The following PXDNL variants were observed in gnomAD, a reference collection of about 807,000 sequenced individuals.
PXDNL encodes probable oxidoreductase PXDNL.
Under a neutral mutation model 150.8 loss-of-function variants are expected in PXDNL, and 145 were observed. That is an observed-to-expected ratio of 0.96 (90% confidence interval 0.84 to 1.10). The LOEUF is 1.10. PXDNL is among the 50% of genes least tolerant of loss of function. The pLI is 0.00. For synonymous variants in PXDNL, 757 were observed against 725.7 expected (o/e 1.04, Z -0.69); for missense variants, 2,087 against 1,873.9 (o/e 1.11, Z -2.10).
At chr8:51,696,705 A>T (rs1170689599) in intron 1 of PXDNL, among the ~76,000 whole-genome samples, 1 of 147,192 alleles carries the variant, frequency 6.8e-6, no homozygotes, top group Non-Finnish European at 1.5e-5. Context: ...ACACACATCC[A>T]CACACAGGTT....
chr8:51,335,609 G>C (rs1342939729), intron 21 of PXDNL, among the ~76,000 whole-genome samples: 2 of 151,264 alleles, frequency 1.3e-5, no homozygotes, highest in African/African-American at 2.4e-5. Context: ...TATCTGTGAA[G>C]ACCTCATTAA....
intron 1 of PXDNL, among the ~76,000 whole-genome samples, chr8:51,743,689 G>C (rs1393041413): frequency 6.6e-6 from 1 of 151,890 alleles, no homozygotes; most frequent in Non-Finnish European, 1.5e-5. Flanking sequence ...GGCAATTTTT[G>C]TATTTTTAGT....
At chr8:51,781,856 C>A (rs139039405) in intron 1 of PXDNL, among the ~76,000 whole-genome samples, 1 of 152,172 alleles carries the variant, frequency 6.6e-6, no homozygotes, top group African/African-American at 2.4e-5. Flanking sequence ...AGCAAAAGCC[C>A]TCTTGGAACA....
At chr8:51,519,281 C>T (rs187148640) in intron 4 of PXDNL, among the ~76,000 whole-genome samples, 1 of 152,174 alleles carries the variant, frequency 6.6e-6, no homozygotes, top group East Asian at 1.9e-4. Flanking sequence ...GTGGCTCACC[C>T]CTGTAATCCC....
chr8:51,445,514 G>A (rs1378963943), intron 12 of PXDNL, among the ~76,000 whole-genome samples: 1 of 152,130 alleles, frequency 6.6e-6, no homozygotes, highest in Non-Finnish European at 1.5e-5. Flanking sequence ...AGATTAAATG[G>A]TGTATTCTAA....
intron 2 of PXDNL, among the ~76,000 whole-genome samples, chr8:51,644,864 G>A (rs1281284291): frequency 3.3e-5 from 5 of 151,804 alleles, no homozygotes; most frequent in Admixed American, 2.6e-4. Flanking sequence ...GATTGTAGAC[G>A]GCCACATAGG....
chr8:51,607,179 T>G (rs560099920), intron 2 of PXDNL, among the ~76,000 whole-genome samples: 5 of 152,192 alleles, frequency 3.3e-5, no homozygotes, highest in Non-Finnish European at 1.5e-5. Flanking sequence ...CAGACTGATC[T>G]GTATAGCAGT....
At chr8:51,748,616 G>A (rs1480369312) in intron 1 of PXDNL, among the ~76,000 whole-genome samples, 1 of 152,168 alleles carries the variant, frequency 6.6e-6, no homozygotes, top group Non-Finnish European at 1.5e-5. Flanking sequence ...TGGGGGTGAA[G>A]CAGGAGTTAT....
chr8:51,469,079 G>A (rs1585496260), intron 8 of PXDNL, among the ~76,000 whole-genome samples: 1 of 152,010 alleles, frequency 6.6e-6, no homozygotes, highest in South Asian at 2.1e-4. Flanking sequence ...TCTATTCTTT[G>A]CCTGAAAATG....
chr8:51,580,916 T>C (rs1401126847), intron 3 of PXDNL, among the ~76,000 whole-genome samples: 1 of 152,108 alleles, frequency 6.6e-6, no homozygotes, highest in African/African-American at 2.4e-5. Flanking sequence ...TCCATAGATA[T>C]TTTTTTGCAT....
chr8:51,776,530 C>T (rs1022152754), intron 1 of PXDNL, among the ~76,000 whole-genome samples: 3 of 152,184 alleles, frequency 2.0e-5, no homozygotes, highest in Non-Finnish European at 2.9e-5. Flanking sequence ...GGCTGGTTTC[C>T]CCCAATAACC....
intron 4 of PXDNL, among the ~76,000 whole-genome samples, chr8:51,535,278 C>A (rs1242552379): frequency 4.4e-5 from 5 of 113,888 alleles, no homozygotes; most frequent in Non-Finnish European, 8.4e-5. Context: ...AATAGAAAGG[C>A]GGGAAGGGTG....
At chr8:51,544,488 T>C (rs1812308652) in intron 4 of PXDNL, among the ~76,000 whole-genome samples, 1 of 152,224 alleles carries the variant, frequency 6.6e-6, no homozygotes, top group African/African-American at 2.4e-5. Flanking sequence ...ACATTTTTGT[T>C]TATTCTATGA....
intron 1 of PXDNL, among the ~76,000 whole-genome samples, chr8:51,718,197 A>AC (rs937796357): frequency 4.4e-4 from 67 of 152,096 alleles, no homozygotes; most frequent in African/African-American, 1.6e-3. Context: ...TCCCAAGCAG[A>AC]CCCCAACACC....
chr8:51,324,372 A>G (rs934432922), intron 21 of PXDNL, among the ~76,000 whole-genome samples: 5 of 131,088 alleles, frequency 3.8e-5, no homozygotes, highest in African/African-American at 1.6e-4. Flanking sequence ...TTGCAGTTTT[A>G]TGGGGAAAGC....
intron 14 of PXDNL, among the ~76,000 whole-genome samples, chr8:51,414,452 C>G (rs1808740022): frequency 6.6e-6 from 1 of 150,714 alleles, no homozygotes; most frequent in Non-Finnish European, 1.5e-5. Context: ...AAATTCAGGA[C>G]CATACTGAAA....
intron 1 of PXDNL, among the ~76,000 whole-genome samples, chr8:51,737,466 T>C (rs775056120): frequency 5.9e-4 from 90 of 152,256 alleles, no homozygotes; most frequent in Non-Finnish European, 1.1e-3. Context: ...CAGGCATTAA[T>C]GTGCATTTCT....
At chr8:51,798,712 GA>G (rs1266773013) in intron 1 of PXDNL, among the ~76,000 whole-genome samples, 1 of 152,216 alleles carries the variant, frequency 6.6e-6, no homozygotes, top group African/African-American at 2.4e-5. Flanking sequence ...GGAGAAACAG[GA>G]ACCTTTTTAC....
chr8:51,578,026 G>GA (rs1813121059), intron 3 of PXDNL, among the ~76,000 whole-genome samples: 1 of 124,764 alleles, frequency 8.0e-6, no homozygotes, highest in African/African-American at 3.5e-5. Flanking sequence ...AGGAAGGAAG[G>GA]AAGGAAGGAA....
Sources: gnomAD v4.1 joint callset for allele counts (sites outside exome capture counted in the v4.1 genomes callset) on GRCh38, gnomAD v4.1.1 for gene constraint, MANE v1.5 for transcripts, NCBI Gene and HGNC (gene_info 2026-07-23, HGNC 2026-07-21) for gene names.